The following TBC1D5 variants were observed in gnomAD, a reference collection of about 807,000 sequenced individuals.
The protein encoded by TBC1D5 is TBC1 domain family member 5, also known as TBC1 domain family, member 5.
A neutral mutation model predicts 100.3 loss-of-function variants in TBC1D5; 75 were observed. The observed-to-expected ratio is 0.75, with a 90% CI of 0.62 to 0.91. The LOEUF is 0.91. TBC1D5 is among the 40% of genes least tolerant of loss of function. The probability of loss-of-function intolerance (pLI) is 0.00; values close to 1 mark genes in which losing one functional copy is unlikely to be tolerated. For synonymous variants in TBC1D5, 323 were observed against 325.6 expected (o/e 0.99, Z 0.09); for missense variants, 910 against 942.4 (o/e 0.97, Z 0.45).
chr3:17,446,824 T>C (rs2094808594), intron 3 of TBC1D5, among the ~76,000 whole-genome samples: 1 of 151,878 alleles, frequency 6.6e-6, no homozygotes, highest in Non-Finnish European at 1.5e-5. Flanking sequence ...ACAAAAAAAT[T>C]AGCCAGGTTG....
intron 2 of TBC1D5, among the ~76,000 whole-genome samples, chr3:17,568,722 T>C (rs1445828542): frequency 2.6e-5 from 4 of 151,630 alleles, no homozygotes; most frequent in Non-Finnish European, 5.9e-5. Flanking sequence ...TGCTCAAGGA[T>C]AACATATATA....
chr3:17,194,546 A>C (rs1241551078), intron 18 of TBC1D5, among the ~76,000 whole-genome samples: 1 of 152,232 alleles, frequency 6.6e-6, no homozygotes, highest in Non-Finnish European at 1.5e-5. Context: ...TGGATTATGC[A>C]TGCTCTCTTC....
In TBC1D5 at chr3:17,494,117, G is replaced by A. The variant is rs192542607; in HGVS notation, c.97+14357C>T. 1.2e-4 allele frequency among the ~76,000 whole-genome samples: 18 copies of A among 152,186 alleles called. No individual in the cohort carries two copies. The East Asian group carries it at 1.7e-3, about 15-fold the overall frequency. ...GATGAGGTTTTTTGTTGATGTTGTC[G>A]TTGATGCTATTTGTTTTTCTTTTAA... On this transcript the variant is annotated intron_variant, in intron 3 of 21. Transcript: ENST00000253692.
intron 15 of TBC1D5, among the ~76,000 whole-genome samples, chr3:17,270,764 C>G (rs1312499670): frequency 6.6e-6 from 1 of 152,012 alleles, no homozygotes; most frequent in East Asian, 1.9e-4. Flanking sequence ...ACTTTTAAGG[C>G]TCTGATTTAT....
intron 3 of TBC1D5, among the ~76,000 whole-genome samples, chr3:17,505,636 C>A (rs1056724525): frequency 6.6e-6 from 1 of 151,996 alleles, no homozygotes; most frequent in African/African-American, 2.4e-5. Flanking sequence ...GTTTGCTATA[C>A]CTGAATTTTG....
intron 17 of TBC1D5, among the ~76,000 whole-genome samples, chr3:17,219,505 A>G (rs1172611099): frequency 1.3e-5 from 2 of 149,576 alleles, no homozygotes; most frequent in Non-Finnish European, 3.0e-5. Context: ...CATACCTTAT[A>G]CTTTTATTGA....
At position 17,310,517 on chromosome 3, in the gene TBC1D5, T is replaced by C. The variant is rs571252535; in HGVS notation, c.996-2383A>G. Among the ~76,000 whole-genome samples, 6 of 151,952 alleles carry C rather than the reference T, an allele frequency of 3.9e-5. No individual in the cohort carries two copies. The South Asian group carries it at 1.2e-3, about 32-fold the overall frequency. On this transcript the variant is annotated intron_variant, in intron 13 of 21. Coordinates refer to ENST00000253692, the Ensembl canonical transcript of TBC1D5. ...ACAGAAACAGAGAGAGAGAGAGAGA[T>C]CCAGAAAGTTCTTTGTAAAGACCTC...
chr3:17,381,738 T>C (rs1375593176), intron 9 of TBC1D5, among the ~76,000 whole-genome samples: 1 of 152,070 alleles, frequency 6.6e-6, no homozygotes, highest in East Asian at 1.9e-4. Context: ...TGAGTCTACC[T>C]TGCTTGCGAG....
chr3:17,683,499 T>C (rs2069789484), intron 1 of TBC1D5, among the ~76,000 whole-genome samples: 1 of 146,548 alleles, frequency 6.8e-6, no homozygotes, highest in South Asian at 2.1e-4. Context: ...TGTCTGCTGT[T>C]TAAGAAAGAT....
At chr3:17,517,626 G>A (rs1422318129) in intron 2 of TBC1D5, among the ~76,000 whole-genome samples, 1 of 151,976 alleles carries the variant, frequency 6.6e-6, no homozygotes, top group Non-Finnish European at 1.5e-5. Flanking sequence ...ATAGTTTTTT[G>A]ATTATAAAAG....
intron 2 of TBC1D5, among the ~76,000 whole-genome samples, chr3:17,513,620 T>C (rs9713431): frequency 0.069 from 10,492 of 152,236 alleles, 709 homozygotes; most frequent in African/African-American, 0.18. Flanking sequence ...CATATAAGCA[T>C]ACTTCATTCA....
intron 15 of TBC1D5, among the ~76,000 whole-genome samples, chr3:17,267,933 T>A (rs2079010516): frequency 6.6e-6 from 1 of 152,166 alleles, no homozygotes; most frequent in South Asian, 2.1e-4. Flanking sequence ...TTCCACTGTA[T>A]TTTTTGTGAA....
At chr3:17,506,977 T>C (rs1054885749) in intron 3 of TBC1D5, among the ~76,000 whole-genome samples, 5 of 152,010 alleles carry the variant, frequency 3.3e-5, no homozygotes, top group African/African-American at 7.2e-5. Context: ...GATTGCGCCA[T>C]TGCACTCCAG....
intron 3 of TBC1D5, among the ~76,000 whole-genome samples, chr3:17,484,715 C>G (rs1292193837): frequency 2.0e-5 from 3 of 152,006 alleles, no homozygotes; most frequent in Non-Finnish European, 2.9e-5. Flanking sequence ...CCACTCTGGG[C>G]TCAAGTGATC....
At chr3:17,395,947 T>C (rs937632277) in intron 8 of TBC1D5, among the ~76,000 whole-genome samples, 2 of 152,088 alleles carry the variant, frequency 1.3e-5, no homozygotes, top group Non-Finnish European at 2.9e-5. Context: ...TATGCAATAG[T>C]AATTATTTTG....
At chr3:17,416,439 G>A (rs1391885417) in intron 4 of TBC1D5, among the ~76,000 whole-genome samples, 2 of 152,096 alleles carry the variant, frequency 1.3e-5, no homozygotes, top group African/African-American at 4.8e-5. Flanking sequence ...TGTTAAGGAT[G>A]GCAACAATTC....
chr3:17,185,211 A>G lies in TBC1D5; in HGVS notation c.1753-3T>C, dbSNP rs1450043505. 5 of 1,611,262 alleles carry G rather than the reference A, an allele frequency of 3.1e-6. No homozygotes were observed. In the Admixed American group the frequency reaches 5.0e-5, roughly 16 times the overall value. On this transcript the variant is annotated splice_polypyrimidine_tract_variant and splice_region_variant and intron_variant, in intron 18 of 21. Coordinates refer to ENST00000253692, the Ensembl canonical transcript of TBC1D5. ...ATTTGGGCTTCTAATTCTTCTTCCT[A>G]AAATAAAGGGATAAACATATGGAAA...
intron 9 of TBC1D5, among the ~76,000 whole-genome samples, chr3:17,380,734 G>A (rs1170633572): frequency 6.6e-6 from 1 of 151,938 alleles, no homozygotes; most frequent in African/African-American, 2.4e-5. Context: ...TCTTTTATCT[G>A]CCTGTGTTCA....
chr3:17,370,292 C>T (rs1180938214), intron 13 of TBC1D5, among the ~76,000 whole-genome samples: 2 of 152,098 alleles, frequency 1.3e-5, no homozygotes, highest in Non-Finnish European at 2.9e-5. Flanking sequence ...AACTTCTTTC[C>T]CCAATATTTA....
Sources: gnomAD v4.1 joint callset for allele counts (sites outside exome capture counted in the v4.1 genomes callset) on GRCh38, gnomAD v4.1.1 for gene constraint, MANE v1.5 for transcripts, NCBI Gene and HGNC (gene_info 2026-07-23, HGNC 2026-07-21) for gene names.